The following PDE7A variants were observed in gnomAD, a reference collection of about 807,000 sequenced individuals.
PDE7A encodes high affinity 3',5'-cyclic-AMP phosphodiesterase 7A.
In PDE7A, 39 loss-of-function variants were observed where a neutral mutation model predicts 64.3. The observed-to-expected ratio is 0.61, with a 90% CI of 0.47 to 0.79. The LOEUF is 0.79. Ranked by LOEUF, PDE7A falls within the 30% of genes least tolerant of loss-of-function variation. The probability of loss-of-function intolerance (pLI) is 0.00; values close to 1 mark genes in which losing one functional copy is unlikely to be tolerated. For synonymous variants in PDE7A, 203 were observed against 206.8 expected (o/e 0.98, Z 0.16); for missense variants, 470 against 582.8 (o/e 0.81, Z 1.99).
chr8:65,788,847 T>C, intron 1 of PDE7A: 1 of 1,376,620 alleles, frequency 7.3e-7, no homozygotes, highest in Admixed American at 1.7e-5. Flanking sequence ...AAACTAATGA[T>C]GAATGTCACC....
chr8:65,818,203 G>A (rs1332954702), intron 1 of PDE7A, among the ~76,000 whole-genome samples: 1 of 152,138 alleles, frequency 6.6e-6, no homozygotes, highest in Non-Finnish European at 1.5e-5. Flanking sequence ...GACATTCAGA[G>A]ACAATTTCTA....
At chr8:65,817,846 G>A (rs1220542230) in intron 1 of PDE7A, among the ~76,000 whole-genome samples, 2 of 150,932 alleles carry the variant, frequency 1.3e-5, no homozygotes, top group African/African-American at 2.4e-5. Flanking sequence ...TCCGCCTCCC[G>A]GGTTCACGCC....
chr8:65,828,304 A>C lies in PDE7A; in HGVS notation c.138+13067T>G, dbSNP rs575933932. 2.6e-5 allele frequency among the ~76,000 whole-genome samples: 4 copies of C among 152,268 alleles called. No homozygotes were observed. In the South Asian group the frequency reaches 8.3e-4, roughly 32 times the overall value. On this transcript the variant is annotated intron_variant, in intron 1 of 12. Transcript: ENST00000401827. Reference sequence around the variant, plus strand: ...ATATCTTCCATGATTTTATCCAAAAATACAGATGTAGAAAGCAGCATTAAA... The same window carrying C: ...ATATCTTCCATGATTTTATCCAAAACTACAGATGTAGAAAGCAGCATTAAA...
At chr8:65,820,700 G>A (rs1438053871) in intron 1 of PDE7A, among the ~76,000 whole-genome samples, 2 of 150,948 alleles carry the variant, frequency 1.3e-5, no homozygotes, top group East Asian at 1.9e-4. Flanking sequence ...AGCGATCCTC[G>A]TGCCTCAGCC....
At chr8:65,727,002 A>G (rs1016908874) in intron 8 of PDE7A, 36 bp from the exon 9 acceptor site, 4 of 1,203,268 alleles carry the variant, frequency 3.3e-6, no homozygotes, top group Non-Finnish European at 4.9e-6. Context: ...ACTTAATGAT[A>G]CGTCTCTTTC....
At chr8:65,728,621 G>A (rs1346549051) in intron 7 of PDE7A, 2 of 152,138 alleles carry the variant, frequency 1.3e-5, no homozygotes, top group Non-Finnish European at 2.9e-5. Flanking sequence ...TAATCAAGAT[G>A]AACAGAATGC....
At chr8:65,781,483 G>C (rs1809418425) in intron 2 of PDE7A, among the ~76,000 whole-genome samples, 1 of 152,194 alleles carries the variant, frequency 6.6e-6, no homozygotes, top group African/African-American at 2.4e-5. Flanking sequence ...AACACAGGTA[G>C]ACACAGGGCC....
chr8:65,798,206 A>ATATATATATATATATATTTTTTT, intron 1 of PDE7A, among the ~76,000 whole-genome samples: 61 of 73,790 alleles, frequency 8.3e-4, no homozygotes, highest in Non-Finnish European at 9.6e-4. Context: ...ATATATATAT[A>ATATATATATATATATATTTTTTT]TTTTTTTTTT....
At chr8:65,741,888 C>T (rs1807451402) in intron 5 of PDE7A, among the ~76,000 whole-genome samples, 1 of 152,152 alleles carries the variant, frequency 6.6e-6, no homozygotes, top group South Asian at 2.1e-4. Flanking sequence ...TGGGAAAATA[C>T]CCTCTTTTGG....
chr8:65,828,973 G>C (rs867773666), intron 1 of PDE7A, among the ~76,000 whole-genome samples: 1 of 151,930 alleles, frequency 6.6e-6, no homozygotes, highest in Non-Finnish European at 1.5e-5. Context: ...ACATTCTTGG[G>C]TATTTGATTG....
chr8:65,740,167 T>C (rs370969146), intron 5 of PDE7A, among the ~76,000 whole-genome samples: 2 of 137,154 alleles, frequency 1.5e-5, no homozygotes, highest in Non-Finnish European at 3.2e-5. Context: ...TGAGAGTTGC[T>C]TGGGGGGGTG....
At chr8:65,804,546 T>TTC (rs1399928997) in intron 1 of PDE7A, among the ~76,000 whole-genome samples, 2 of 149,592 alleles carry the variant, frequency 1.3e-5, no homozygotes, top group Admixed American at 6.6e-5. Flanking sequence ...GTTGCTTTTT[T>TTC]TTTTTTTTTT....
At chr8:65,790,224 TG>T (rs1289294558) in intron 1 of PDE7A, among the ~76,000 whole-genome samples, 1 of 152,222 alleles carries the variant, frequency 6.6e-6, no homozygotes, top group Non-Finnish European at 1.5e-5. Flanking sequence ...GCTGCAGCCC[TG>T]GGGAGCAGAG....
chr8:65,779,783 G>A lies in PDE7A; in HGVS notation c.220C>T (p.Arg74Ter). Residue 74 changes from arginine to a stop codon, truncating the protein, a stop_gained, in exon 3 of 13, where the codon CGA becomes TGA. Transcript: ENST00000401827. LOFTEE classifies it high-confidence loss of function. ...CTTCTTTCTGATTCAAATCCTGCTC[G>A]GCTCCTTACACGTACATCTCCTGGA... The part of the protein sequence containing the change: ...RMLGDVRVRS[R>*]AGFESERRGS... 3.1e-6 allele frequency: 5 copies of A among 1,598,226 alleles called. No homozygotes were observed. The highest frequency in any genetic ancestry group is 4.3e-6 in the Non-Finnish European group (5 of 1,169,060).
chr8:65,725,148 G>C (rs1443675875), intron 9 of PDE7A, among the ~76,000 whole-genome samples: 1 of 151,918 alleles, frequency 6.6e-6, no homozygotes, highest in African/African-American at 2.4e-5. Flanking sequence ...ATACCAATAT[G>C]CAAACATTCC....
chr8:65,813,148 T>C (rs527463755), intron 1 of PDE7A, among the ~76,000 whole-genome samples: 1 of 152,324 alleles, frequency 6.6e-6, no homozygotes, highest in East Asian at 1.9e-4. Flanking sequence ...AGTTTTGTAG[T>C]GAGAATGTAA....
chr8:65,795,317 G>A (rs991784800), intron 1 of PDE7A, among the ~76,000 whole-genome samples: 1 of 152,252 alleles, frequency 6.6e-6, no homozygotes, highest in Non-Finnish European at 1.5e-5. Context: ...AGAGCACAGC[G>A]GTCTCACAAA....
intron 1 of PDE7A, among the ~76,000 whole-genome samples, chr8:65,811,695 A>G (rs1396560801): frequency 1.3e-5 from 2 of 152,176 alleles, no homozygotes; most frequent in Admixed American, 1.3e-4. Context: ...CCTAAACTAC[A>G]AATTCAAACA....
intron 7 of PDE7A, among the ~76,000 whole-genome samples, chr8:65,730,171 C>CTTCTTTTTTTTTTTTTTTTTTT (rs1295965698): frequency 4.6e-5 from 4 of 86,448 alleles, no homozygotes; most frequent in Admixed American, 1.4e-4. Flanking sequence ...TTGCGCACTT[C>CTTCTTTTTTTTTTTTTTTTTTT]TTTTTTTTTT....
Sources: gnomAD v4.1 joint callset for allele counts (sites outside exome capture counted in the v4.1 genomes callset) on GRCh38, gnomAD v4.1.1 for gene constraint, MANE v1.5 for transcripts, NCBI Gene and HGNC (gene_info 2026-07-23, HGNC 2026-07-21) for gene names.